The following TENT5D variants were observed in gnomAD, a reference collection of about 807,000 sequenced individuals.
TENT5D encodes the protein cancer/testis antigen 112.
For missense variants in TENT5D, 191 were observed against 287.0 expected (o/e 0.67, Z 2.42); for synonymous variants, 103 against 100.6 (o/e 1.02, Z -0.15).
chrX:80,342,589 A>T (rs185754683), intron 3 of TENT5D: 1 of 112,706 alleles, frequency 8.9e-6, no homozygotes, highest in African/African-American at 3.2e-5. Context: ...TTAGAGAGAA[A>T]TAAATTTTTA....
chrX:80,362,225 G>A (rs1284631330), intron 3 of TENT5D, among the ~76,000 whole-genome samples: 1 of 110,147 alleles, frequency 9.1e-6, no homozygotes, highest in African/African-American at 3.3e-5. Context: ...GTGCAGTGGT[G>A]CCATCTCAGC....
chrX:80,442,899 G>A, exon 3 of TENT5D: 4 of 1,210,997 alleles, frequency 3.3e-6, no homozygotes, highest in Non-Finnish European at 4.5e-6. Context: ...AGAAGGAAAA[G>A]CTCTCCCCAG....
intron 1 of TENT5D, among the ~76,000 whole-genome samples, chrX:80,430,847 T>G (rs1932075385): frequency 9.0e-6 from 1 of 111,248 alleles, no homozygotes; most frequent in East Asian, 2.9e-4. Context: ...GATGTCTCCT[T>G]TCTCTTTTCT....
At chrX:80,362,133 G>T (rs1244108857) in intron 3 of TENT5D, among the ~76,000 whole-genome samples, 1 of 110,695 alleles carries the variant, frequency 9.0e-6, no homozygotes, top group Non-Finnish European at 1.9e-5. Context: ...GCCTCCAGCT[G>T]CATCCATGTT....
intron 3 of TENT5D, among the ~76,000 whole-genome samples, chrX:80,344,182 C>A (rs1347486120): frequency 9.1e-6 from 1 of 110,196 alleles, no homozygotes; most frequent in Non-Finnish European, 1.9e-5. Flanking sequence ...ACCACATTTT[C>A]TTTATCTAGT....
intron 3 of TENT5D, among the ~76,000 whole-genome samples, chrX:80,414,509 G>A (rs1481281315): frequency 2.7e-5 from 3 of 112,025 alleles, no homozygotes; most frequent in African/African-American, 9.7e-5. Flanking sequence ...AAGGTGGTCA[G>A]GCGTACAGTT....
intron 3 of TENT5D, among the ~76,000 whole-genome samples, chrX:80,365,569 G>A (rs1415922897): frequency 2.7e-5 from 3 of 111,171 alleles, no homozygotes; most frequent in Admixed American, 9.7e-5. Context: ...GGCCAAGCTC[G>A]GTGGCTTATG....
chrX:80,434,726 T>C lies in TENT5D; in HGVS notation c.-141-3884T>C, dbSNP rs190204268. 8.1e-4 allele frequency among the ~76,000 whole-genome samples: 90 copies of C among 110,803 alleles called. 2 individuals carry two copies. The highest frequency in any genetic ancestry group is 2.7e-3 in the African/African-American group (83 of 30,608). On this transcript the variant is annotated intron_variant, in intron 1 of 2. Coordinates refer to ENST00000308293, the Ensembl canonical transcript of TENT5D. ...TTTTGGAAGGAAATTTGAAAATGAC[T>C]AATACTATAAGTGAACAGTTATTGA...
At chrX:80,393,935 A>G (rs767471958) in intron 3 of TENT5D, among the ~76,000 whole-genome samples, 1 of 111,879 alleles carries the variant, frequency 8.9e-6, no homozygotes, top group Admixed American at 9.5e-5. Context: ...TATATATACC[A>G]TATTTTTTAC....
chrX:80,345,110 T>C (rs1336340368), intron 3 of TENT5D, among the ~76,000 whole-genome samples: 1 of 112,171 alleles, frequency 8.9e-6, no homozygotes, highest in African/African-American at 3.2e-5. Flanking sequence ...AGAAACTAGC[T>C]GCTTCCTCAA....
intron 3 of TENT5D, among the ~76,000 whole-genome samples, chrX:80,395,330 G>A (rs1476366766): frequency 8.9e-6 from 1 of 112,175 alleles, no homozygotes; most frequent in Non-Finnish European, 1.9e-5. Context: ...AAGTATGGGA[G>A]TACAGATATC....
At chrX:80,439,999 TA>T (rs777460912) in intron 2 of TENT5D, among the ~76,000 whole-genome samples, 1 of 110,692 alleles carries the variant, frequency 9.0e-6, no homozygotes, top group Non-Finnish European at 1.9e-5. Context: ...AGAGAAAGGT[TA>T]AAAAAAACCT....
At chrX:80,360,076 G>A (rs1168330729) in intron 3 of TENT5D, among the ~76,000 whole-genome samples, 1 of 111,886 alleles carries the variant, frequency 8.9e-6, no homozygotes, top group Non-Finnish European at 1.9e-5. Context: ...TTCTGAATCA[G>A]ATGAGCGAGA....
At chrX:80,416,746 A>G (rs942843417), upstream of TENT5D, among the ~76,000 whole-genome samples, 1 of 110,677 alleles carries the variant, frequency 9.0e-6, no homozygotes, top group African/African-American at 3.3e-5. Flanking sequence ...ATTTTAGAGT[A>G]TGTGCCATGT....
At chrX:80,436,217 T>A (rs1386297391) in intron 1 of TENT5D, among the ~76,000 whole-genome samples, 2 of 110,782 alleles carry the variant, frequency 1.8e-5, no homozygotes, top group Non-Finnish European at 3.8e-5. Flanking sequence ...GAATATCTTA[T>A]CTGAATGTCT....
intron 2 of TENT5D, among the ~76,000 whole-genome samples, chrX:80,341,472 G>T (rs1160073581): frequency 1.8e-5 from 2 of 111,310 alleles, no homozygotes; most frequent in South Asian, 7.4e-4. Context: ...TAGACTATGG[G>T]TCTGATCCAA....
upstream of TENT5D, among the ~76,000 whole-genome samples, chrX:80,419,992 G>C (rs1461177701): frequency 8.9e-6 from 1 of 112,217 alleles, no homozygotes; most frequent in Non-Finnish European, 1.9e-5. Flanking sequence ...TGGGATTACA[G>C]GCATGAGCCA....
At chrX:80,393,231 A>G (rs1341881516) in intron 3 of TENT5D, among the ~76,000 whole-genome samples, 1 of 111,067 alleles carries the variant, frequency 9.0e-6, no homozygotes, top group Non-Finnish European at 1.9e-5. Context: ...ATTATTGTCC[A>G]TCATCTCTCC....
intron 2 of TENT5D, among the ~76,000 whole-genome samples, chrX:80,341,624 G>A (rs1929957889): frequency 9.0e-6 from 1 of 111,260 alleles, no homozygotes; most frequent in Non-Finnish European, 1.9e-5. Context: ...TAGGTTGGTA[G>A]TATGCTTTCA....
Sources: allele counts gnomAD v4.1 joint callset (sites outside exome capture counted in the v4.1 genomes callset), GRCh38; gene constraint gnomAD v4.1.1; transcripts MANE v1.5; gene names NCBI Gene and HGNC (gene_info 2026-07-23, HGNC 2026-07-21).